The following CEMIP2 variants were observed in gnomAD, a reference collection of about 807,000 sequenced individuals.
CEMIP2 encodes the protein cell surface hyaluronidase CEMIP2.
Under a neutral mutation model 146.9 loss-of-function variants are expected in CEMIP2, and 79 were observed. The observed-to-expected ratio is 0.54, with a 90% CI of 0.45 to 0.65. The LOEUF (loss-of-function observed/expected upper bound fraction) is 0.65. CEMIP2 is among the 30% of genes least tolerant of loss of function. The pLI is 0.00. For missense variants in CEMIP2, 1,596 were observed against 1,696.2 expected, an observed-to-expected ratio of 0.94 and a Z score of 1.04; for synonymous variants, 601 against 606.3, an observed-to-expected ratio of 0.99 and a Z score of 0.13.
chr9:71,718,168 T>A, intron 12 of CEMIP2, 89 bp from the exon 13 acceptor site: 2 of 1,234,444 alleles, frequency 1.6e-6, no homozygotes, highest in Non-Finnish European at 1.1e-6. Context: ...GAAGCAGAAT[T>A]TAAATTTGAC....
intron 5 of CEMIP2, among the ~76,000 whole-genome samples, chr9:71,738,788 G>T (rs1310948474): frequency 6.9e-6 from 1 of 144,552 alleles, no homozygotes; most frequent in East Asian, 2.1e-4. Flanking sequence ...AATGAGCCAA[G>T]ATCAGGCCAC....
At chr9:71,749,038 T>C (rs1008905883) in intron 2 of CEMIP2, among the ~76,000 whole-genome samples, 8 of 152,230 alleles carry the variant, frequency 5.3e-5, no homozygotes, top group Non-Finnish European at 1.0e-4. Flanking sequence ...GACAGATGGA[T>C]GGTATTCTTT....
chr9:71,720,348 T>C (rs62546995), intron 12 of CEMIP2, among the ~76,000 whole-genome samples: 6,886 of 152,328 alleles, frequency 0.045, 215 homozygotes, highest in South Asian at 0.069. Flanking sequence ...TAGAGCGCAG[T>C]GGCATGTTCT....
chr9:71,758,526 G>A (rs1435404736), intron 1 of CEMIP2, among the ~76,000 whole-genome samples: 1 of 152,164 alleles, frequency 6.6e-6, no homozygotes, highest in Non-Finnish European at 1.5e-5. Context: ...TGTAAGACAG[G>A]TTATGTAAGG....
At chr9:71,714,220 A>G (rs1589139848) in intron 15 of CEMIP2, among the ~76,000 whole-genome samples, 1 of 152,226 alleles carries the variant, frequency 6.6e-6, no homozygotes, top group African/African-American at 2.4e-5. Context: ...TGTGAGGCCT[A>G]AAAACACTGT....
At position 71,730,068 on chromosome 9, in the gene CEMIP2, A is replaced by T. The variant is rs368687601; in HGVS notation, c.1959T>A (p.Pro653=). Reference sequence around the variant, plus strand: ...CTCACATACAGTCAGTAGCAGGCACAGGAATGTAATTTCCAAACACTTTAT... The same window carrying T: ...CTCACATACAGTCAGTAGCAGGCACTGGAATGTAATTTCCAAACACTTTAT... ...MRDKVFGNYI[P]VPATDCMAVS... Residue 653 remains proline, a synonymous_variant, in exon 9 of 24, where the codon CCT becomes CCA. Coordinates refer to ENST00000377044, the MANE Select transcript of CEMIP2 (RefSeq NM_013390.3). The T allele has an allele frequency of 1.7e-5, 28 of 1,614,108 alleles. No individual in the cohort carries two copies. Among genetic ancestry groups the T allele is most frequent in the Non-Finnish European group, 2.4e-5 (28 of 1,180,052 alleles).
intron 10 of CEMIP2, among the ~76,000 whole-genome samples, chr9:71,728,728 C>T (rs1447182380): frequency 6.6e-6 from 1 of 151,934 alleles, no homozygotes; most frequent in South Asian, 2.1e-4. Context: ...AAAGGGTGTG[C>T]CCCCTGACCA....
chr9:71,745,400 C>T lies in CEMIP2; in HGVS notation c.652G>A (p.Gly218Ser). The T allele has an allele frequency of 6.2e-7, 1 of 1,614,122 alleles. No homozygotes were observed. Among genetic ancestry groups the T allele is most frequent in the Non-Finnish European group, 8.5e-7 (1 of 1,180,012 alleles). Residue 218 changes from glycine to serine, a missense_variant, in exon 4 of 24, where the codon GGC (glycine) becomes AGC (serine). Gly to Ser is a moderately conservative substitution (Grantham distance 56). Coordinates refer to ENST00000377044, the MANE Select transcript of CEMIP2 (RefSeq NM_013390.3). ...GCTTCCACACCAATAAACTTTTTGCCAAATGTTGGCATACTTTCACCTTCA... is the reference window on the plus strand; with the variant it reads ...GCTTCCACACCAATAAACTTTTTGCTAAATGTTGGCATACTTTCACCTTCA... The part of the protein sequence containing the change: ...SDEGESMPTF[G>S]KKFIGVEAGG...
intron 18 of CEMIP2, among the ~76,000 whole-genome samples, chr9:71,701,319 C>T (rs964035005): frequency 1.1e-4 from 16 of 151,976 alleles, no homozygotes; most frequent in Admixed American, 2.0e-4. Flanking sequence ...TTGGCCAGGC[C>T]GGTCTCGAAC....
chr9:71,714,268 G>A (rs1822986288), intron 15 of CEMIP2, among the ~76,000 whole-genome samples: 1 of 152,188 alleles, frequency 6.6e-6, no homozygotes, highest in South Asian at 2.1e-4. Flanking sequence ...CAAGTAAAAT[G>A]AGAAGTCCAA....
At chr9:71,729,996 C>G in intron 9 of CEMIP2, 52 bp downstream of exon 9, 1 of 1,613,296 alleles carries the variant, frequency 6.2e-7, no homozygotes. Context: ...AACCTCTTCC[C>G]CAAAAGTCAA....
At chr9:71,703,057 G>A (rs1413814792) in intron 18 of CEMIP2, among the ~76,000 whole-genome samples, 1 of 152,150 alleles carries the variant, frequency 6.6e-6, no homozygotes, top group South Asian at 2.1e-4. Flanking sequence ...GATGATATTA[G>A]ATTGGGCTTT....
intron 12 of CEMIP2, among the ~76,000 whole-genome samples, chr9:71,722,090 TTTAAC>T (rs1823247201): frequency 1.3e-5 from 2 of 152,174 alleles, no homozygotes; most frequent in Non-Finnish European, 1.5e-5. Context: ...AACATCTTAG[TTTAAC>T]TTATTTTTCA....
chr9:71,732,839 G>A (rs1823660928), intron 6 of CEMIP2, among the ~76,000 whole-genome samples: 1 of 151,090 alleles, frequency 6.6e-6, no homozygotes, highest in African/African-American at 2.4e-5. Flanking sequence ...CCCAACACAG[G>A]GAATTTAAAG....
At chr9:71,739,646 C>T (rs2131990671) in intron 5 of CEMIP2, among the ~76,000 whole-genome samples, 1 of 152,250 alleles carries the variant, frequency 6.6e-6, no homozygotes, top group South Asian at 2.1e-4. Context: ...TCAGCACCCC[C>T]AACTCAGCTT....
At chr9:71,739,997 T>C (rs1356733156) in intron 5 of CEMIP2, 66 bp downstream of exon 5, 2 of 1,465,888 alleles carry the variant, frequency 1.4e-6, no homozygotes, top group Non-Finnish European at 9.2e-7. Flanking sequence ...ATACTATTCT[T>C]AGAAAAAAAA....
At chr9:71,720,058 T>A (rs993676956) in intron 12 of CEMIP2, among the ~76,000 whole-genome samples, 1 of 152,198 alleles carries the variant, frequency 6.6e-6, no homozygotes, top group Non-Finnish European at 1.5e-5. Context: ...AGACAATAGT[T>A]ACTTTTTCCC....
chr9:71,762,013 G>A lies in CEMIP2; in HGVS notation c.-13+6344C>T, dbSNP rs558651180. On this transcript the variant is annotated intron_variant, in intron 1 of 23. Transcript: ENST00000377044. ...AACTCCGCCATTTAAATGACGACACGTTGCCCAATAGTGACTAAAAAGTAT... is the reference window on the plus strand; with the variant it reads ...AACTCCGCCATTTAAATGACGACACATTGCCCAATAGTGACTAAAAAGTAT... Among the ~76,000 whole-genome samples, 7 of 146,070 alleles carry A rather than the reference G, an allele frequency of 4.8e-5. No homozygotes were observed. In the East Asian group the frequency reaches 1.1e-3, roughly 22 times the overall value.
rs1393225237 is a variant in CEMIP2 at position 71,698,092 on chromosome 9, T to C, written c.3490A>G (p.Ser1164Gly). The C allele has an allele frequency of 3.1e-6, 5 of 1,614,188 alleles. No homozygotes were observed. Among genetic ancestry groups the C allele is most frequent in the Non-Finnish European group, 4.2e-6 (5 of 1,180,026 alleles). Residue 1164 changes from serine to glycine, a missense_variant, in exon 20 of 24, where the codon AGT becomes GGT. Physicochemically the swap from Ser to Gly is moderately conservative, Grantham distance 56. Transcript: ENST00000377044. Reference sequence around the variant, plus strand: ...GGGTATGCTTTGGCCATGCAGTTACTGATGTCCTTTGAGTCTGTGGCTGCT... The same window carrying C: ...GGGTATGCTTTGGCCATGCAGTTACCGATGTCCTTTGAGTCTGTGGCTGCT... ...IQAATDSKDISNCMAKAYPQY... is the reference protein window; with the variant it reads ...IQAATDSKDIGNCMAKAYPQY...
Sources: gnomAD v4.1 joint callset for allele counts (sites outside exome capture counted in the v4.1 genomes callset) on GRCh38, gnomAD v4.1.1 for gene constraint, MANE v1.5 for transcripts, NCBI Gene and HGNC (gene_info 2026-07-23, HGNC 2026-07-21) for gene names.